Variants in TMEM209 observed in about 807,000 individuals in gnomAD.
The protein encoded by TMEM209 is testicular tissue protein Li 202.
TMEM209 carries 65 observed loss-of-function variants against 76.2 expected under a neutral mutation model. That is an observed-to-expected ratio of 0.85 (90% CI 0.70 to 1.05). The LOEUF (loss-of-function observed/expected upper bound fraction) is 1.05. Ranked by LOEUF, TMEM209 falls within the 50% of genes least tolerant of loss-of-function variation. The probability of loss-of-function intolerance (pLI) is 0.00; values close to 1 mark genes in which losing one functional copy is unlikely to be tolerated. For synonymous variants in TMEM209, 239 were observed against 237.6 expected, an observed-to-expected ratio of 1.01 and a Z score of -0.06; for missense variants, 623 against 685.5, an observed-to-expected ratio of 0.91 and a Z score of 1.02.
At chr7:130,166,859 G>A (rs1269285185) in intron 14 of TMEM209, among the ~76,000 whole-genome samples, 2 of 152,146 alleles carry the variant, frequency 1.3e-5, no homozygotes, top group African/African-American at 4.8e-5. Context: ...TAGCCTCTCA[G>A]AGAACTGTAT....
chr7:130,185,623 T>C (rs1217036521), intron 6 of TMEM209, among the ~76,000 whole-genome samples: 1 of 152,238 alleles, frequency 6.6e-6, no homozygotes, highest in Non-Finnish European at 1.5e-5. Flanking sequence ...CTAGTTCTGT[T>C]GAAAAGTTAA....
At chr7:130,194,157 C>A (rs1293650674) in intron 5 of TMEM209, among the ~76,000 whole-genome samples, 1 of 151,468 alleles carries the variant, frequency 6.6e-6, no homozygotes, top group East Asian at 1.9e-4. Flanking sequence ...CGAGATTGCA[C>A]CACCGCACTC....
Position 130,202,535 on chromosome 7 carries a change from C to A in TMEM209, c.328G>T (p.Ala110Ser). The stretch of plus-strand genomic sequence containing the variant: ...GCAAGAGATATAAAACACTCACCAG[C>A]TGTTTTCAACCCTAAAAGTGTTTGC... ...GQQTLLGLKT[A>S]VVQTTPPHDL... is the part of the protein sequence containing the mutation. The change falls in exon 4 of 15, where the codon GCT (alanine) becomes TCT (serine). Residue 110 changes from alanine to serine, a missense_variant. Coordinates refer to ENST00000397622, the MANE Select transcript of TMEM209 (RefSeq NM_032842.4). 1.9e-6 allele frequency: 3 copies of A among 1,606,894 alleles called. No individual in the cohort carries two copies. Among genetic ancestry groups the A allele is most frequent in the Non-Finnish European group, 2.5e-6 (3 of 1,177,596 alleles).
At chr7:130,188,905 C>G (rs1168417075) in intron 6 of TMEM209, among the ~76,000 whole-genome samples, 3 of 152,062 alleles carry the variant, frequency 2.0e-5, no homozygotes, top group Non-Finnish European at 4.4e-5. Context: ...CTAACAGTAA[C>G]AAAATGATCA....
Position 130,173,917 on chromosome 7 carries a change from G to C in TMEM209, c.1367C>G (p.Thr456Ser), listed in dbSNP as rs780697472. The C allele has an allele frequency of 1.2e-6, 2 of 1,613,054 alleles. No homozygotes were observed. The highest frequency in any genetic ancestry group is 1.7e-6 in the Non-Finnish European group (2 of 1,179,106). ...TGGAGGTAATCTGGAATCAAGGTAG[G>C]TGCAAAATACATGCATGATGATCTG... ...DSAIIMHVFCTYLDSRLPPHP... is the reference protein window; with the variant it reads ...DSAIIMHVFCSYLDSRLPPHP... The change falls in exon 12 of 15, where the codon ACC (threonine) becomes AGC (serine). Residue 456 changes from threonine (T) to serine (S), a missense_variant. Transcript: ENST00000397622.
chr7:130,175,571 T>C lies in TMEM209; in HGVS notation c.1285A>G (p.Asn429Asp). The change falls in exon 11 of 15, where the codon AAC (asparagine) becomes GAC (aspartate). Residue 429 changes from asparagine to aspartate, a missense_variant. Asn to Asp is a conservative substitution (Grantham distance 23). Coordinates refer to ENST00000397622, the MANE Select transcript of TMEM209 (RefSeq NM_032842.4). ...CGTCCTTTGAAGTCGCCACCTCTGT[T>C]CCATCGAAATGAGCTCATACAACCT... ...QGGCMSSFRWNRGGDFKGRKW... is the reference protein window; with the variant it reads ...QGGCMSSFRWDRGGDFKGRKW... 1 of 1,613,254 alleles carries C rather than the reference T, an allele frequency of 6.2e-7. No individual in the cohort carries two copies. Among genetic ancestry groups the C allele is most frequent in the Admixed American group, 1.7e-5 (1 of 59,964 alleles).
rs999408154 is a variant in TMEM209, at chr7:130,170,729, A to G, written c.1558-256T>C. Among the ~76,000 whole-genome samples the G allele has an allele frequency of 2.6e-5, 4 of 152,218 alleles. No individual in the cohort carries two copies. In the South Asian group the frequency reaches 8.3e-4, roughly 32 times the overall value. On this transcript the variant is annotated intron_variant, in intron 13 of 14. Transcript: ENST00000397622. ...CAGACAGTAAACTAAGAATCACAAC[A>G]AAGTGTGAGGAATGCTATGAGAGGA... is the stretch of plus-strand genomic sequence containing the variant.
At chr7:130,175,703 T>C in intron 10 of TMEM209, 94 bp from the exon 11 acceptor site, 3 of 962,024 alleles carry the variant, frequency 3.1e-6, no homozygotes, top group Non-Finnish European at 4.5e-6. Context: ...AAGCAAATCA[T>C]TTAAAAAACT....
At chr7:130,167,003 T>C (rs1796903072) in intron 14 of TMEM209, among the ~76,000 whole-genome samples, 1 of 151,990 alleles carries the variant, frequency 6.6e-6, no homozygotes. Flanking sequence ...TTCCAGAGAG[T>C]AGTATGACTG....
chr7:130,176,909 T>C (rs1368111330), intron 10 of TMEM209, among the ~76,000 whole-genome samples: 1 of 151,600 alleles, frequency 6.6e-6, no homozygotes, highest in Non-Finnish European at 1.5e-5. Flanking sequence ...TCCCAGCACT[T>C]TGGGAGGCTG....
intron 9 of TMEM209, among the ~76,000 whole-genome samples, chr7:130,178,749 A>G (rs563344275): frequency 9.1e-4 from 139 of 152,142 alleles, no homozygotes; most frequent in South Asian, 2.5e-3. Flanking sequence ...CTTAGCACTA[A>G]CCACTGTCCA....
chr7:130,189,287 C>G (rs1187224642), intron 6 of TMEM209, among the ~76,000 whole-genome samples: 2 of 151,290 alleles, frequency 1.3e-5, no homozygotes, highest in African/African-American at 2.4e-5. Context: ...ACCTCCGCCT[C>G]CCGGATTCAA....
At chr7:130,186,023 C>T (rs1384139594) in intron 6 of TMEM209, among the ~76,000 whole-genome samples, 1 of 152,170 alleles carries the variant, frequency 6.6e-6, no homozygotes, top group Non-Finnish European at 1.5e-5. Context: ...TCTGTTTTCC[C>T]AAATAGAATT....
Sources: allele counts gnomAD v4.1 joint callset (sites outside exome capture counted in the v4.1 genomes callset), GRCh38; gene constraint gnomAD v4.1.1; transcripts MANE v1.5; gene names NCBI Gene and HGNC (gene_info 2026-07-23, HGNC 2026-07-21).